Variants in STT3A observed in about 807,000 individuals in gnomAD.
STT3A encodes dolichyl-diphosphooligosaccharide--protein glycosyltransferase subunit STT3A.
Under a neutral mutation model 89.2 loss-of-function variants are expected in STT3A, and 34 were observed. The ratio of observed to expected loss-of-function variants is 0.38; its 90% CI spans 0.29 to 0.51. STT3A has a LOEUF of 0.51. Among genes scored for constraint, STT3A ranks in the 20% least tolerant of loss-of-function variants. The pLI is 0.89. For missense variants in STT3A, 555 were observed against 889.5 expected (o/e 0.62, Z 4.78); for synonymous variants, 282 against 310.3 (o/e 0.91, Z 0.96).
Position 125,622,454 on chromosome 11 carries a change from C to T in STT3A, c.*1644C>T, listed in dbSNP as rs1267571089. On this transcript the variant is annotated 3_prime_UTR_variant, in exon 18 of 18. Coordinates refer to ENST00000392708, the MANE Select transcript of STT3A (RefSeq NM_152713.5). ...ATTAATGATCTTCCTTTATACTATACATAGGATAACTTTTAACTTGTCGCT... is the reference window on the plus strand; with the variant it reads ...ATTAATGATCTTCCTTTATACTATATATAGGATAACTTTTAACTTGTCGCT... The T allele has an allele frequency of 1.3e-5, 2 of 152,202 alleles. No homozygotes were observed. The highest frequency in any genetic ancestry group is 4.8e-5 in the African/African-American group (2 of 41,456). 9.4% of individuals were successfully genotyped at this position (152,202 alleles called of 1,614,324 possible). A position where few individuals can be genotyped will look rare whatever the true frequency, so the allele number is the denominator to read the frequency against.
intron 3 of STT3A, 124 bp downstream of exon 3, chr11:125,597,243 A>G: frequency 9.9e-7 from 1 of 1,010,856 alleles, no homozygotes. Flanking sequence ...TTAAGGGAAA[A>G]AAAAACCCTT....
intron 6 of STT3A, among the ~76,000 whole-genome samples, chr11:125,604,787 T>C (rs899559100): frequency 4.6e-5 from 7 of 152,184 alleles, no homozygotes; most frequent in African/African-American, 1.7e-4. Context: ...TGATAAAAAT[T>C]TGAACAGAGT....
chr11:125,607,932 A>AT (rs953180282), intron 8 of STT3A, among the ~76,000 whole-genome samples, 177 bp from the exon 9 acceptor site: 1 of 152,182 alleles, frequency 6.6e-6, no homozygotes, highest in Admixed American at 6.5e-5. Flanking sequence ...GGCTGCAAAT[A>AT]TTCTGTAGAA....
At chr11:125,607,830 G>C (rs1237032856) in intron 8 of STT3A, among the ~76,000 whole-genome samples, 1 of 152,222 alleles carries the variant, frequency 6.6e-6, no homozygotes, top group Non-Finnish European at 1.5e-5. Context: ...TTTAGTGGAT[G>C]GGAATTTGGG....
In STT3A at chr11:125,602,849, C is replaced by T. The variant is rs146040029; in HGVS notation, c.318C>T (p.Phe106=). The change falls in exon 5 of 18, where the codon TTC becomes TTT. Residue 106 remains phenylalanine, a synonymous_variant. Transcript: ENST00000392708. Reference sequence around the variant, plus strand: ...CAATCTACCATGTACTCCATTTTTTCCACATCACCATCGACATTCGGAATG... The same window carrying T: ...CAATCTACCATGTACTCCATTTTTTTCACATCACCATCGACATTCGGAATG... ...SAAIYHVLHF[F]HITIDIRNVC... The T allele has an allele frequency of 6.2e-7, 1 of 1,613,784 alleles. No homozygotes were observed. The highest frequency in any genetic ancestry group is 1.3e-5 in the African/African-American group (1 of 74,858).
Position 125,606,330 on chromosome 11 carries a change from G to A in STT3A, c.645G>A (p.Leu215=), listed in dbSNP as rs770483277. The change falls in exon 8 of 18, where the codon CTG becomes CTA. Residue 215 remains leucine (L), a synonymous_variant. Coordinates refer to ENST00000392708, the MANE Select transcript of STT3A (RefSeq NM_152713.5). The part of the protein sequence containing the change: ...MVSSWGGYVF[L]INLIPLHVLV... ...CGTCATGGGGAGGTTATGTGTTCCT[G>A]ATCAACTTAATTCCTCTCCACGTCC... 5.0e-6 allele frequency: 8 copies of A among 1,613,824 alleles called. No individual in the cohort carries two copies. Among genetic ancestry groups the A allele is most frequent in the Middle Eastern group, 1.7e-4 (1 of 6,036 alleles).
intron 15 of STT3A, among the ~76,000 whole-genome samples, chr11:125,615,264 C>CA (rs1312770185): frequency 4.1e-5 from 6 of 147,260 alleles, no homozygotes; most frequent in South Asian, 2.1e-4. Flanking sequence ...GAAACTGTTT[C>CA]AAAAAAAAAA....
rs1565345324 is a variant in STT3A at position 125,604,236 on chromosome 11, A to G, written c.497A>G (p.Tyr166Cys). The change falls in exon 6 of 18, where the codon TAT becomes TGT. Residue 166 changes from tyrosine to cysteine, a missense_variant. By Grantham distance (194) the Tyr-to-Cys change is radical (BLOSUM62 -2). Around this residue, in one of 5 missense-constraint regions of STT3A, gnomAD observed 2 missense variants for 23.1 expected, o/e 0.09. Transcript: ENST00000392708. ...GYISRSVAGS[Y>C]DNEGIAIFCM... ...ATCTCCCGATCTGTGGCTGGCTCCT[A>G]TGATAATGAAGGTAAGACTTTTAAA... 3.7e-6 allele frequency: 6 copies of G among 1,613,954 alleles called. No homozygotes were observed. The highest frequency in any genetic ancestry group is 3.3e-5 in the Admixed American group (2 of 60,014).
In STT3A at chr11:125,604,411, T is replaced by C. The variant is rs12289548; in HGVS notation, c.508+164T>C. 0.03 allele frequency among the ~76,000 whole-genome samples: 4,514 copies of C among 152,326 alleles called. 214 individuals are homozygous for C. The highest frequency in any genetic ancestry group is 0.099 in the African/African-American group (4,117 of 41,562). The stretch of plus-strand genomic sequence containing the variant: ...ACAAGCTCATGTTCTCTTCCCATCA[T>C]CCTTTCCAGAAAGGTAGTTGGTAAC... On this transcript the variant is annotated intron_variant, in intron 6 of 17. Transcript: ENST00000392708.
chr11:125,604,085 G>A (rs1939766614), intron 5 of STT3A, 72 bp from the exon 6 acceptor site: 1 of 1,474,676 alleles, frequency 6.8e-7, no homozygotes, highest in South Asian at 1.2e-5. Context: ...AAACAGAATG[G>A]ACTAGTGGAT....
chr11:125,599,344 G>A (rs746087443), intron 3 of STT3A, among the ~76,000 whole-genome samples: 4 of 152,220 alleles, frequency 2.6e-5, no homozygotes, highest in African/African-American at 4.8e-5. Flanking sequence ...GGGCAGAGAG[G>A]ACGGTTAGTC....
chr11:125,616,470 G>C (rs961008510), intron 15 of STT3A, among the ~76,000 whole-genome samples: 1 of 152,174 alleles, frequency 6.6e-6, no homozygotes, highest in Non-Finnish European at 1.5e-5. Context: ...CAAACCCACA[G>C]ATATGGAAGG....
In STT3A at chr11:125,613,393, C is replaced by T. The variant is rs1940083290; in HGVS notation, c.1554+216C>T. ...AGTAATTATCTAGACTTTGCATGCACACTTTTATTGATATGATGATTTTAA... is the reference window on the plus strand; with the variant it reads ...AGTAATTATCTAGACTTTGCATGCATACTTTTATTGATATGATGATTTTAA... On this transcript the variant is annotated intron_variant, in intron 13 of 17. Coordinates refer to ENST00000392708, the MANE Select transcript of STT3A (RefSeq NM_152713.5). This position sits in a 1 kb window ranked among gnomAD's most constrained non-coding sequence, Gnocchi z 4.2. 6.6e-6 allele frequency among the ~76,000 whole-genome samples: 1 copy of T among 152,090 alleles called. No homozygotes were observed. Among genetic ancestry groups the T allele is most frequent in the South Asian group, 2.1e-4 (1 of 4,808 alleles).
intron 10 of STT3A, among the ~76,000 whole-genome samples, chr11:125,610,312 ACCTTGGCCT>A (rs1939967336): frequency 6.6e-6 from 1 of 152,030 alleles, no homozygotes; most frequent in African/African-American, 2.4e-5. Context: ...CAGTCTGCTC[ACCTTGGCCT>A]CCCATAGTGC....
chr11:125,600,427 C>A (rs571674375), intron 3 of STT3A, among the ~76,000 whole-genome samples: 15 of 152,128 alleles, frequency 9.9e-5, no homozygotes, highest in African/African-American at 3.6e-4. Context: ...ATGGCATGAT[C>A]AGGGCTCACT....
In STT3A at chr11:125,613,800, C is replaced by T. The variant is rs1198056759; in HGVS notation, c.1555-287C>T. The stretch of plus-strand genomic sequence containing the variant: ...TGACACTAGGCTATTGATGTGGCTA[C>T]ATTGCACAGTCTCCCACACCTCCCA... On this transcript the variant is annotated intron_variant, in intron 13 of 17. Coordinates refer to ENST00000392708, the MANE Select transcript of STT3A (RefSeq NM_152713.5). This position sits in a 1 kb window ranked among gnomAD's most constrained non-coding sequence, Gnocchi z 4.2. 2 of 327,960 alleles carry T rather than the reference C, an allele frequency of 6.1e-6. No homozygotes were observed. The highest frequency in any genetic ancestry group is 4.2e-5 in the South Asian group (1 of 24,094). 20.3% of individuals were successfully genotyped at this position (327,960 alleles called of 1,614,324 possible).
chr11:125,601,236 A>G (rs1939666569), intron 3 of STT3A, among the ~76,000 whole-genome samples: 1 of 152,258 alleles, frequency 6.6e-6, no homozygotes, highest in South Asian at 2.1e-4. Flanking sequence ...ATGATGGTAT[A>G]CCAACATCTT....
chr11:125,607,958 T>TTAAA, intron 8 of STT3A, 151 bp from the exon 9 acceptor site: 2 of 697,384 alleles, frequency 2.9e-6, no homozygotes, highest in Non-Finnish European at 4.5e-6. Context: ...GGCTGGTGAA[T>TTAAA]TAAACCCTTC....
chr11:125,600,276 C>T (rs1012446606), intron 3 of STT3A, among the ~76,000 whole-genome samples: 2 of 152,268 alleles, frequency 1.3e-5, no homozygotes, highest in African/African-American at 4.8e-5. Flanking sequence ...TCTCGAACTC[C>T]CGACCTCAGG....
Sources: allele counts gnomAD v4.1 joint callset (sites outside exome capture counted in the v4.1 genomes callset), GRCh38; gene constraint gnomAD v4.1.1; regional missense constraint gnomAD v4.1.1; non-coding constraint Gnocchi (gnomAD v3.1); transcripts MANE v1.5; gene names NCBI Gene and HGNC (gene_info 2026-07-23, HGNC 2026-07-21).